Variants in NAV3 observed in about 807,000 individuals in gnomAD.
The protein encoded by NAV3 is neuron navigator 3.
In NAV3, 87 loss-of-function variants were observed where a neutral mutation model predicts 244.7. That is an observed-to-expected ratio of 0.36 (90% CI 0.30 to 0.42). The LOEUF is 0.42. NAV3 is among the 20% of genes least tolerant of loss of function. The pLI, the probability that NAV3 is intolerant of heterozygous loss-of-function variation, is 1.00. For synonymous variants in NAV3, 1,126 were observed against 1,042.2 expected (o/e 1.08, Z -1.55); for missense variants, 2,663 against 2,893.3 (o/e 0.92, Z 1.83).
At chr12:77,808,096 T>TGC (rs1872079076) in intron 2 of NAV3, among the ~76,000 whole-genome samples, 3 of 152,182 alleles carry the variant, frequency 2.0e-5, no homozygotes, top group African/African-American at 7.2e-5. Context: ...GCAAGGTTCT[T>TGC]AGCTTCCTTG....
At chr12:77,700,864 A>C (rs1259391888) in intron 2 of NAV3, among the ~76,000 whole-genome samples, 1 of 151,838 alleles carries the variant, frequency 6.6e-6, no homozygotes, top group Non-Finnish European at 1.5e-5. Context: ...GCTTTCAAAT[A>C]CAACCTTGTA....
At chr12:78,107,918 A>G (rs928857651) in intron 12 of NAV3, among the ~76,000 whole-genome samples, 1 of 152,166 alleles carries the variant, frequency 6.6e-6, no homozygotes, top group South Asian at 2.1e-4. Context: ...ACAAAAATAT[A>G]TAAGACAACG....
At chr12:78,181,193 C>T (rs542750887) in intron 30 of NAV3, 148 bp downstream of exon 30, 4 of 677,466 alleles carry the variant, frequency 5.9e-6, no homozygotes, top group Admixed American at 3.4e-5. Context: ...TAAATCTAGT[C>T]TACTTAGTTA....
chr12:77,669,973 A>G (rs1425377736), intron 2 of NAV3, among the ~76,000 whole-genome samples: 1 of 152,124 alleles, frequency 6.6e-6, no homozygotes, highest in Admixed American at 6.6e-5. Flanking sequence ...TGAAATTGAA[A>G]CAAACAAAAA....
chr12:78,143,121 T>G (rs561992822), intron 20 of NAV3, among the ~76,000 whole-genome samples: 2 of 152,324 alleles, frequency 1.3e-5, no homozygotes, highest in African/African-American at 4.8e-5. Flanking sequence ...GAGATTTAGT[T>G]GATTTGCATT....
chr12:77,603,287 A>G (rs1870522474), intron 2 of NAV3, among the ~76,000 whole-genome samples: 1 of 152,104 alleles, frequency 6.6e-6, no homozygotes, highest in Admixed American at 6.6e-5. Context: ...GGTAATAACT[A>G]AGATTAGGGG....
chr12:77,736,317 A>C (rs1412243919), intron 2 of NAV3, among the ~76,000 whole-genome samples: 1 of 152,210 alleles, frequency 6.6e-6, no homozygotes, highest in Admixed American at 6.5e-5. Context: ...TCAGTTTTCT[A>C]TTATTTCTTA....
At position 77,643,034 on chromosome 12, in the gene NAV3, T is replaced by C. The variant is rs188172374; in HGVS notation, c.72+70768T>C. Reference sequence around the variant, plus strand: ...ATCCATTAAGTTTCATGTCACTTTTTTCTCTTCTTTCATTTGTTCTGGACA... The same window carrying C: ...ATCCATTAAGTTTCATGTCACTTTTCTCTCTTCTTTCATTTGTTCTGGACA... On this transcript the variant is annotated intron_variant, in intron 2 of 8. Transcript: ENST00000550042. 2.6e-5 allele frequency among the ~76,000 whole-genome samples: 4 copies of C among 152,174 alleles called. No homozygotes were observed. The East Asian group carries it at 7.7e-4, about 29-fold the overall frequency.
intron 1 of NAV3, among the ~76,000 whole-genome samples, chr12:77,912,723 C>G (rs1920426): frequency 6.6e-6 from 1 of 151,758 alleles, no homozygotes; most frequent in African/African-American, 2.4e-5. Context: ...TTCTGCCTCC[C>G]GGGTTCAAGC....
chr12:78,007,156 A>G lies in NAV3; in HGVS notation c.1618A>G (p.Thr540Ala), dbSNP rs879033793. The change falls in exon 8 of 40, where the codon ACC becomes GCC. Residue 540 changes from threonine to alanine, a missense_variant. Physicochemically the swap from Thr to Ala is moderately conservative, Grantham distance 58 (BLOSUM62 0). Coordinates refer to ENST00000397909, the MANE Select transcript of NAV3 (RefSeq NM_001024383.2). Reference protein sequence around the residue: ...PGSKVPTVKQTISPGSTASKE... With the variant: ...PGSKVPTVKQAISPGSTASKE... The stretch of plus-strand genomic sequence containing the variant: ...CTCTAAAGTTCCAACAGTAAAGCAA[A>G]CCATTTCACCTGGCAGCACAGCAAG... 2.5e-6 allele frequency: 4 copies of G among 1,614,148 alleles called. No homozygotes were observed. Among genetic ancestry groups the G allele is most frequent in the Non-Finnish European group, 3.4e-6 (4 of 1,180,030 alleles).
At chr12:77,729,060 T>C (rs548897913) in intron 2 of NAV3, among the ~76,000 whole-genome samples, 3 of 152,078 alleles carry the variant, frequency 2.0e-5, no homozygotes, top group Admixed American at 1.3e-4. Context: ...ATATAATACA[T>C]GTAACATGCA....
At chr12:77,644,600 AT>A (rs960439472) in intron 2 of NAV3, among the ~76,000 whole-genome samples, 3 of 151,994 alleles carry the variant, frequency 2.0e-5, no homozygotes, top group East Asian at 1.9e-4. Flanking sequence ...CTTAAAAAAT[AT>A]TTTTTTATCA....
chr12:77,976,674 C>CT (rs869041498), intron 5 of NAV3, among the ~76,000 whole-genome samples: 13,206 of 83,014 alleles, frequency 0.16, 1,387 homozygotes, highest in Non-Finnish European at 0.17. Context: ...TTCTTTTTTT[C>CT]TTTTTTTTTT....
rs775456605 is a variant in NAV3 at position 78,006,440 on chromosome 12, C to T, written c.902C>T (p.Ser301Leu). Residue 301 changes from serine to leucine, a missense_variant, in exon 8 of 40, where the codon TCG becomes TTG. Transcript: ENST00000397909. ...CCAGATTCCTCCAAAGGACCTCAAT[C>T]GTCTTCAGGTGTAAATGGTAACGTG... ...NEKDSSKGPQ[S>L]SSGVNGNVQP... 62 of 1,613,350 alleles carry T rather than the reference C, an allele frequency of 3.8e-5. No individual in the cohort carries two copies. Among genetic ancestry groups the T allele is most frequent in the Admixed American group, 1.0e-4 (6 of 59,982 alleles).
intron 9 of NAV3, among the ~76,000 whole-genome samples, chr12:78,037,649 A>T (rs184257183): frequency 6.6e-6 from 1 of 152,168 alleles, no homozygotes. Flanking sequence ...AGCCTCACCT[A>T]GTGTCCAGTA....
chr12:77,815,438 AT>A (rs1443678280), intron 2 of NAV3, among the ~76,000 whole-genome samples: 1 of 152,128 alleles, frequency 6.6e-6, no homozygotes, highest in Non-Finnish European at 1.5e-5. Context: ...CAGCATATAG[AT>A]TTTCAGGAGC....
At chr12:78,057,692 G>A (rs1830535224) in intron 11 of NAV3, among the ~76,000 whole-genome samples, 1 of 152,148 alleles carries the variant, frequency 6.6e-6, no homozygotes, top group African/African-American at 2.4e-5. Flanking sequence ...CAAGAAGTGA[G>A]CATATCATTG....
intron 2 of NAV3, among the ~76,000 whole-genome samples, chr12:77,756,002 T>C (rs911000257): frequency 3.9e-5 from 6 of 152,184 alleles, no homozygotes. Flanking sequence ...GCATGGTCTT[T>C]GAAATAGATC....
At chr12:77,951,492 A>G (rs1232786821) in intron 3 of NAV3, among the ~76,000 whole-genome samples, 1 of 152,194 alleles carries the variant, frequency 6.6e-6, no homozygotes, top group Non-Finnish European at 1.5e-5. Context: ...TAGTTCAACA[A>G]TTGTGGAAGA....
Sources: gnomAD v4.1 joint callset for allele counts (sites outside exome capture counted in the v4.1 genomes callset) on GRCh38, gnomAD v4.1.1 for gene constraint, MANE v1.5 for transcripts, NCBI Gene and HGNC (gene_info 2026-07-23, HGNC 2026-07-21) for gene names.